PPP1R12B: variants seen among roughly 807,000 people sequenced by gnomAD.
The protein encoded by PPP1R12B is protein phosphatase 1 regulatory subunit 12B.
Under a neutral mutation model 126.1 loss-of-function variants are expected in PPP1R12B, and 76 were observed. The ratio of observed to expected loss-of-function variants is 0.60; its 90% CI spans 0.50 to 0.73. The LOEUF (loss-of-function observed/expected upper bound fraction) is 0.73. Among genes scored for constraint, PPP1R12B ranks in the 30% least tolerant of loss-of-function variants. The pLI, the probability that PPP1R12B is intolerant of heterozygous loss-of-function variation, is 0.00. For synonymous variants in PPP1R12B, 356 were observed against 434.7 expected (o/e 0.82, Z 2.25); for missense variants, 1,052 against 1,205.1 (o/e 0.87, Z 1.88).
At position 202,567,849 on chromosome 1, in the gene PPP1R12B, T is replaced by TC; in HGVS notation, c.2811+23dup. 1 of 1,612,932 alleles carries TC rather than the reference T, an allele frequency of 6.2e-7. No individual in the cohort carries two copies. The highest frequency in any genetic ancestry group is 1.1e-5 in the South Asian group (1 of 91,006). Reference sequence around the variant, plus strand: ...AGAAACGGGTATGCGCATGTCTGTTTCCCCCTCCACCCCATTTCATCTCTT... The same window carrying TC: ...AGAAACGGGTATGCGCATGTCTGTTTCCCCCCTCCACCCCATTTCATCTCTT... On this transcript the variant is annotated intron_variant, in intron 22 of 23. Transcript: ENST00000608999.
At chr1:202,525,509 T>A (rs1028006325) in intron 18 of PPP1R12B, among the ~76,000 whole-genome samples, 1 of 151,372 alleles carries the variant, frequency 6.6e-6, no homozygotes, top group Non-Finnish European at 1.5e-5. Flanking sequence ...TTGATAAGAG[T>A]GGTTTTGTTC....
At chr1:202,495,798 A>G (rs1679481887) in intron 17 of PPP1R12B, 116 bp downstream of exon 17, 1 of 874,200 alleles carries the variant, frequency 1.1e-6, no homozygotes, top group Admixed American at 2.6e-5. Context: ...TTTCTCAGGA[A>G]GTATTACTGA....
At chr1:202,468,071 G>A (rs1287623898) in intron 13 of PPP1R12B, among the ~76,000 whole-genome samples, 4 of 152,104 alleles carry the variant, frequency 2.6e-5, no homozygotes, top group African/African-American at 9.7e-5. Context: ...TGATGGGGTT[G>A]TTTGTTTTTT....
At chr1:202,497,072 A>G (rs750162972) in intron 18 of PPP1R12B, among the ~76,000 whole-genome samples, 4 of 152,208 alleles carry the variant, frequency 2.6e-5, no homozygotes, top group Non-Finnish European at 5.9e-5. Context: ...TCACACTGTT[A>G]TAGGATCCAT....
At chr1:202,453,648 T>C (rs1673275415) in intron 13 of PPP1R12B, among the ~76,000 whole-genome samples, 1 of 151,804 alleles carries the variant, frequency 6.6e-6, no homozygotes, top group African/African-American at 2.4e-5. Flanking sequence ...ACAATACAAA[T>C]CGAACTTTTT....
intron 13 of PPP1R12B, among the ~76,000 whole-genome samples, chr1:202,481,543 A>T (rs756841761): frequency 4.4e-5 from 5 of 114,874 alleles, no homozygotes; most frequent in Non-Finnish European, 5.9e-5. Flanking sequence ...TTTTTTTAAT[A>T]AAAAAAAATT....
At chr1:202,534,009 A>G (rs1684275079) in intron 18 of PPP1R12B, among the ~76,000 whole-genome samples, 1 of 152,132 alleles carries the variant, frequency 6.6e-6, no homozygotes, top group Non-Finnish European at 1.5e-5. Context: ...TAATTTTTCT[A>G]ACTTTATTAC....
intron 2 of PPP1R12B, among the ~76,000 whole-genome samples, chr1:202,420,842 A>G (rs892569881): frequency 5.9e-5 from 9 of 152,196 alleles, no homozygotes; most frequent in Non-Finnish European, 1.0e-4. Context: ...TGAGCTTTAT[A>G]CATGTAGAAT....
intron 1 of PPP1R12B, among the ~76,000 whole-genome samples, chr1:202,377,844 T>TTTTG (rs1261133046): frequency 7.3e-6 from 1 of 136,598 alleles, no homozygotes; most frequent in African/African-American, 2.9e-5. Flanking sequence ...TTTTTTTTTT[T>TTTTG]TTTTTTTTTT....
In PPP1R12B at chr1:202,564,690, C is replaced by A. The variant is rs947189558; in HGVS notation, c.2757+143C>A. ...CAATGAGATAGAAGCTTCTTAGATT[C>A]TAATTTATTTTAGGTTTCAATCAGT... On this transcript the variant is annotated intron_variant, in intron 21 of 23. Transcript: ENST00000608999. 5 of 574,644 alleles carry A rather than the reference C, an allele frequency of 8.7e-6. No homozygotes were observed. The East Asian group carries it at 1.2e-4, about 14-fold the overall frequency. The allele number at this position is 574,644 out of a possible 1,614,324, so 35.6% of individuals were successfully genotyped here.
At chr1:202,471,808 T>TTTA in intron 13 of PPP1R12B, 11 of 1,100,788 alleles carry the variant, frequency 1.0e-5, no homozygotes, top group Admixed American at 2.9e-5. Context: ...TTTTTTTTTT[T>TTTA]ATCCAAAATG....
intron 14 of PPP1R12B, among the ~76,000 whole-genome samples, chr1:202,492,450 T>C (rs1362995754): frequency 2.0e-5 from 3 of 152,168 alleles, no homozygotes; most frequent in South Asian, 4.1e-4. Context: ...ACTACTTGAG[T>C]TGGAATCAGC....
chr1:202,442,770 A>G (rs1671794341), intron 12 of PPP1R12B, among the ~76,000 whole-genome samples, 198 bp downstream of exon 12: 3 of 152,204 alleles, frequency 2.0e-5, no homozygotes, highest in African/African-American at 7.2e-5. Context: ...AGCTAATTTC[A>G]GATTCTCACT....
At chr1:202,439,758 T>C (rs1175235172) in intron 10 of PPP1R12B, 125 of 524,964 alleles carry the variant, frequency 2.4e-4, no homozygotes, top group African/African-American at 1.9e-3. Context: ...ATGCGCAGAG[T>C]GAGGGGGACC....
At chr1:202,460,293 C>T (rs1461269371) in intron 13 of PPP1R12B, among the ~76,000 whole-genome samples, 1 of 152,154 alleles carries the variant, frequency 6.6e-6, no homozygotes, top group Non-Finnish European at 1.5e-5. Flanking sequence ...GGTCAAGATA[C>T]AGTGAGTACT....
intron 18 of PPP1R12B, among the ~76,000 whole-genome samples, chr1:202,524,912 C>T (rs564158564): frequency 4.1e-4 from 63 of 152,282 alleles, no homozygotes; most frequent in African/African-American, 1.5e-3. Context: ...GAGTCTCACT[C>T]TGTCACCCAG....
intron 1 of PPP1R12B, among the ~76,000 whole-genome samples, chr1:202,396,056 C>G (rs1342335471): frequency 6.6e-6 from 1 of 152,180 alleles, no homozygotes; most frequent in Admixed American, 6.5e-5. Context: ...CTACTTCCTC[C>G]CTTTTTCTGA....
intron 8 of PPP1R12B, among the ~76,000 whole-genome samples, chr1:202,432,327 G>T (rs562856233): frequency 1.3e-5 from 2 of 151,722 alleles, no homozygotes; most frequent in South Asian, 4.2e-4. Context: ...GGAGTGCAGT[G>T]GTGTGATCTC....
At position 202,461,374 on chromosome 1, in the gene PPP1R12B, C is replaced by T. The variant is rs535502531; in HGVS notation, c.1850+12203C>T. Among the ~76,000 whole-genome samples, 29 of 152,190 alleles carry T rather than the reference C, an allele frequency of 1.9e-4. No homozygotes were observed. The South Asian group carries it at 5.8e-3, about 30-fold the overall frequency. ...GTAACCTAGATTTTCCCAAATCTATCTCATGGAGCTATTGTGAGGATCAAA... is the reference window on the plus strand; with the variant it reads ...GTAACCTAGATTTTCCCAAATCTATTTCATGGAGCTATTGTGAGGATCAAA... On this transcript the variant is annotated intron_variant, in intron 13 of 23. Transcript: ENST00000608999.
Sources: gnomAD v4.1 joint callset for allele counts (sites outside exome capture counted in the v4.1 genomes callset) on GRCh38, gnomAD v4.1.1 for gene constraint, MANE v1.5 for transcripts, NCBI Gene and HGNC (gene_info 2026-07-23, HGNC 2026-07-21) for gene names.